The following LIN9 variants were observed in gnomAD, a reference collection of about 807,000 sequenced individuals.
LIN9 encodes lin-9 DREAM MuvB core complex component.
In LIN9, 18 loss-of-function variants were observed where a neutral mutation model predicts 78.0. The ratio of observed to expected loss-of-function variants is 0.23; its 90% confidence interval spans 0.16 to 0.34. The LOEUF is 0.34. Among genes scored for constraint, LIN9 ranks in the 10% least tolerant of loss-of-function variants. LIN9 has a pLI of 1.00. For missense variants in LIN9, 451 were observed against 644.1 expected, an observed-to-expected ratio of 0.70 and a Z score of 3.25; for synonymous variants, 192 against 215.2, an observed-to-expected ratio of 0.89 and a Z score of 0.94.
chr1:226,277,114 C>T (rs1660714867), intron 7 of LIN9, among the ~76,000 whole-genome samples: 1 of 150,296 alleles, frequency 6.7e-6, no homozygotes, highest in Non-Finnish European at 1.5e-5. Context: ...GAAACTGAGG[C>T]AGGAGGATTG....
intron 8 of LIN9, among the ~76,000 whole-genome samples, chr1:226,267,230 G>GATATATATATATATATATATATAT (rs4012808): frequency 7.3e-6 from 1 of 137,704 alleles, no homozygotes; most frequent in Non-Finnish European, 1.5e-5. Context: ...GCACTAAGGA[G>GATATATATATATATATATATATAT]ATATATATAT....
intron 7 of LIN9, among the ~76,000 whole-genome samples, chr1:226,272,531 T>C (rs1660353350): frequency 6.8e-6 from 1 of 147,488 alleles, no homozygotes; most frequent in African/African-American, 2.5e-5. Context: ...CCCACTACCA[T>C]GCTTGACCTT....
At chr1:226,233,972 G>T (rs778478453) in intron 12 of LIN9, among the ~76,000 whole-genome samples, 17 of 152,060 alleles carry the variant, frequency 1.1e-4, no homozygotes, top group Non-Finnish European at 1.9e-4. Flanking sequence ...CCCCAATGTG[G>T]GTTTGTTTGT....
At chr1:226,295,321 A>T (rs1362066774) in intron 4 of LIN9, among the ~76,000 whole-genome samples, 1 of 151,770 alleles carries the variant, frequency 6.6e-6, no homozygotes, top group Non-Finnish European at 1.5e-5. Flanking sequence ...TGGTGGTGTG[A>T]TCCTGTAATC....
At chr1:226,285,124 C>T (rs990230512) in intron 6 of LIN9, among the ~76,000 whole-genome samples, 4 of 152,014 alleles carry the variant, frequency 2.6e-5, no homozygotes, top group Non-Finnish European at 4.4e-5. Context: ...GATCAATTAA[C>T]GAGAAATATT....
intron 11 of LIN9, among the ~76,000 whole-genome samples, chr1:226,248,924 TA>T (rs949609579): frequency 1.3e-5 from 2 of 152,194 alleles, no homozygotes; most frequent in African/African-American, 4.8e-5. Context: ...AGAGTTCTCA[TA>T]TGCTAAGAAG....
intron 6 of LIN9, among the ~76,000 whole-genome samples, chr1:226,281,868 G>A (rs1199720540): frequency 1.3e-5 from 2 of 151,512 alleles, no homozygotes; most frequent in Non-Finnish European, 2.9e-5. Flanking sequence ...TAATTTTTGT[G>A]TTTTTAGTAG....
In LIN9 at chr1:226,232,055, A is replaced by G; in HGVS notation, c.*446T>C. 2.5e-6 allele frequency: 1 copy of G among 398,632 alleles called. No individual in the cohort carries two copies. 24.7% of individuals were successfully genotyped at this position (398,632 alleles called of 1,614,324 possible). ...CTTTTGAAGACTGAGATGGTGATCA[A>G]CTAAATCAAGTGGAGTTGTAATTTT... On this transcript the variant is annotated 3_prime_UTR_variant, in exon 15 of 15. Coordinates refer to ENST00000681046, the MANE Select transcript of LIN9 (RefSeq NM_001366245.2).
Position 226,290,574 on chromosome 1 carries a change from T to G in LIN9, c.265-2777A>C, listed in dbSNP as rs1343754068. ...CCAGGGTGGTCTTGATCTCCTGACC[T>G]CGTGATCCGCCCACCTCGGCCTCCC... is the stretch of plus-strand genomic sequence containing the variant. On this transcript the variant is annotated intron_variant, in intron 4 of 14. Coordinates refer to ENST00000681046, the MANE Select transcript of LIN9 (RefSeq NM_001366245.2). Among the ~76,000 whole-genome samples the G allele has an allele frequency of 7.2e-5, 11 of 152,068 alleles. No individual in the cohort carries two copies. The East Asian group carries it at 1.9e-3, about 27-fold the overall frequency.
intron 7 of LIN9, among the ~76,000 whole-genome samples, chr1:226,271,098 T>C (rs1469058905): frequency 6.6e-6 from 1 of 152,246 alleles, no homozygotes; most frequent in South Asian, 2.1e-4. Flanking sequence ...TCTCCAGGGG[T>C]AAACAACTGT....
intron 10 of LIN9, among the ~76,000 whole-genome samples, chr1:226,264,164 A>AG (rs1367453935): frequency 6.6e-6 from 1 of 151,754 alleles, no homozygotes; most frequent in African/African-American, 2.4e-5. Context: ...CGATCATGTG[A>AG]GGTCAGGAGT....
intron 1 of LIN9, among the ~76,000 whole-genome samples, chr1:226,302,156 G>A (rs1662578972): frequency 6.6e-6 from 1 of 152,146 alleles, no homozygotes; most frequent in Admixed American, 6.5e-5. Context: ...TAAACAACAG[G>A]GGATTCTGTT....
intron 5 of LIN9, 71 bp downstream of exon 5, chr1:226,287,593 T>C: frequency 6.7e-6 from 7 of 1,042,194 alleles, no homozygotes; most frequent in Non-Finnish European, 9.6e-6. Context: ...GAAAATGTTG[T>C]AGCTTAAAAC....
chr1:226,305,306 CAAAAAAAAGA>C (rs1662833269), intron 1 of LIN9, among the ~76,000 whole-genome samples: 1 of 19,098 alleles, frequency 5.2e-5, no homozygotes. Flanking sequence ...CTCGTCTCTA[CAAAAAAAAGA>C]AAAAAAAAAA....
chr1:226,295,612 T>C (rs1330078650), intron 4 of LIN9, among the ~76,000 whole-genome samples: 1 of 152,106 alleles, frequency 6.6e-6, no homozygotes, highest in Admixed American at 6.6e-5. Flanking sequence ...TCTTCCACTA[T>C]CTCCATGCTT....
intron 6 of LIN9, among the ~76,000 whole-genome samples, chr1:226,281,654 G>C (rs1661063085): frequency 6.6e-6 from 1 of 150,888 alleles, no homozygotes; most frequent in African/African-American, 2.4e-5. Context: ...AAGAACCCAG[G>C]ACCCATACTA....
chr1:226,243,841 T>C (rs958647373), intron 11 of LIN9, among the ~76,000 whole-genome samples: 32 of 150,720 alleles, frequency 2.1e-4, no homozygotes, highest in Admixed American at 2.1e-3. Flanking sequence ...TAAAGAAAAG[T>C]ATATTCATTT....
chr1:226,309,207 T>G (rs776837714), upstream of LIN9: 4 of 1,456,436 alleles, frequency 2.7e-6, no homozygotes, highest in African/African-American at 5.8e-5. Flanking sequence ...GAGACTGTCT[T>G]TGCGAGGGAG....
chr1:226,292,222 G>A lies in LIN9; in HGVS notation c.264+3620C>T, dbSNP rs964718866. 4.0e-5 allele frequency among the ~76,000 whole-genome samples: 6 copies of A among 151,364 alleles called. No homozygotes were observed. In the South Asian group the frequency reaches 8.4e-4, roughly 21 times the overall value. On this transcript the variant is annotated intron_variant, in intron 4 of 14. Coordinates refer to ENST00000681046, the MANE Select transcript of LIN9 (RefSeq NM_001366245.2). ...GTCACCCAGGCTGGAGTGTAGTGGC[G>A]CAATTTCGGCTCACTGCAGCTTCCA...
Sources: gnomAD v4.1 joint callset for allele counts (sites outside exome capture counted in the v4.1 genomes callset) on GRCh38, gnomAD v4.1.1 for gene constraint, MANE v1.5 for transcripts, NCBI Gene and HGNC (gene_info 2026-07-23, HGNC 2026-07-21) for gene names.